MYLK4: variants seen among roughly 807,000 people sequenced by gnomAD.
MYLK4 encodes myosin light chain kinase family member 4, also known as caMLCK like.
In MYLK4, 46 loss-of-function variants were observed where a neutral mutation model predicts 48.1. That is an observed-to-expected ratio of 0.96 (90% CI 0.75 to 1.22). The LOEUF is 1.22. Among genes scored for constraint, MYLK4 ranks in the 50% most tolerant of loss-of-function variants. The pLI, the probability that MYLK4 is intolerant of heterozygous loss-of-function variation, is 0.00. For missense variants in MYLK4, 451 were observed against 486.1 expected (o/e 0.93, Z 0.68); for synonymous variants, 170 against 180.8 (o/e 0.94, Z 0.48).
At chr6:2,707,442 C>A (rs1392511069) in intron 2 of MYLK4, among the ~76,000 whole-genome samples, 3 of 152,170 alleles carry the variant, frequency 2.0e-5, no homozygotes, top group African/African-American at 4.8e-5. Context: ...CACGCACACA[C>A]AACTTACTAC....
chr6:2,741,305 T>TAG (rs562058621), intron 2 of MYLK4, among the ~76,000 whole-genome samples: 41 of 152,332 alleles, frequency 2.7e-4, no homozygotes, highest in African/African-American at 9.4e-4. Context: ...TTCTCTTACT[T>TAG]AGGTACACAG....
Position 2,749,358 on chromosome 6 carries a change from T to C in MYLK4, c.-64A>G, listed in dbSNP as rs536893142. ...GGTTTTCGTCTCCCTCTGTCTCCGA[T>C]TTATAAATCAGGACACAATTATGAC... On this transcript the variant is annotated 5_prime_UTR_variant, in exon 2 of 13. Coordinates refer to ENST00000274643, the MANE Select transcript of MYLK4 (RefSeq NM_001012418.5). 2.6e-5 allele frequency: 35 copies of C among 1,347,722 alleles called. No homozygotes were observed. In the East Asian group the frequency reaches 8.1e-4, roughly 31 times the overall value. The allele number at this position is 1,347,722 out of a possible 1,614,324, so 83.5% of individuals were successfully genotyped here.
chr6:2,767,900 A>G, the MYLK4 span, among the ~76,000 whole-genome samples: 1 of 152,228 alleles, frequency 6.6e-6, no homozygotes, highest in Non-Finnish European at 1.5e-5. Context: ...TTCTGAAAGA[A>G]GCAGCCACAG....
intron 2 of MYLK4, among the ~76,000 whole-genome samples, chr6:2,730,838 A>C (rs1763452377): frequency 6.6e-6 from 1 of 152,170 alleles, no homozygotes; most frequent in African/African-American, 2.4e-5. Flanking sequence ...TAAGGTTGAA[A>C]GCGGGAGGTG....
At chr6:2,766,623 G>A in the MYLK4 span, among the ~76,000 whole-genome samples, 66 of 152,334 alleles carry the variant, frequency 4.3e-4, no homozygotes, top group African/African-American at 1.3e-3. Context: ...TGTGATGGGT[G>A]TGAAAAGGGC....
intron 2 of MYLK4, among the ~76,000 whole-genome samples, chr6:2,705,755 G>A (rs978555151): frequency 1.1e-4 from 16 of 152,042 alleles, no homozygotes; most frequent in Admixed American, 4.6e-4. Flanking sequence ...AAGAAATTAC[G>A]GGAATGGAAG....
In MYLK4 at chr6:2,675,088, AG is replaced by A; in HGVS notation, c.1077del (p.Trp360GlyfsTer27). On this transcript the variant is annotated frameshift_variant, in exon 11 of 13. Transcript: ENST00000274643. LOFTEE classifies it high-confidence loss of function. Reference sequence around the variant, plus strand: ...GAGTGGAGCTTGTGGTCTGACAACCAGGGGTGCTTGAGAGCTTCGCTTGCAC... The same window carrying A: ...GAGTGGAGCTTGTGGTCTGACAACCAGGGTGCTTGAGAGCTTCGCTTGCAC... ...RISASEALKH[P>X]WLSDHKLHSR... 1 of 1,614,148 alleles carries A rather than the reference AG, an allele frequency of 6.2e-7. No homozygotes were observed. The highest frequency in any genetic ancestry group is 8.5e-7 in the Non-Finnish European group (1 of 1,180,004).
rs1337759753 is a variant in MYLK4, at chr6:2,747,447, G to A, written c.159+1689C>T. On this transcript the variant is annotated intron_variant, in intron 2 of 12. Transcript: ENST00000274643. ...TGCATCCTTGAACTCCCGGGCTCAAGCAATCCTCCTGCCTCAGCCTCCCAA... is the reference window on the plus strand; with the variant it reads ...TGCATCCTTGAACTCCCGGGCTCAAACAATCCTCCTGCCTCAGCCTCCCAA... Among the ~76,000 whole-genome samples the A allele has an allele frequency of 2.6e-5, 4 of 152,106 alleles. No homozygotes were observed. In the East Asian group the frequency reaches 5.8e-4, roughly 22 times the overall value.
chr6:2,754,597 A>C (rs1764379922), upstream of MYLK4, among the ~76,000 whole-genome samples: 1 of 152,212 alleles, frequency 6.6e-6, no homozygotes, highest in Non-Finnish European at 1.5e-5. Flanking sequence ...CAACTCATTC[A>C]GTTTCTTAAA....
chr6:2,715,732 T>C (rs138713935), intron 2 of MYLK4, among the ~76,000 whole-genome samples: 3 of 152,320 alleles, frequency 2.0e-5, no homozygotes, highest in East Asian at 3.9e-4. Flanking sequence ...CTCAGGTTCA[T>C]GAATGCAGAA....
At chr6:2,737,838 T>C (rs1582117753) in intron 2 of MYLK4, among the ~76,000 whole-genome samples, 1 of 151,698 alleles carries the variant, frequency 6.6e-6, no homozygotes. Context: ...ATTACTAGAA[T>C]GGTAGATGGT....
At chr6:2,679,915 T>C (rs1257314899) in intron 8 of MYLK4, among the ~76,000 whole-genome samples, 1 of 152,232 alleles carries the variant, frequency 6.6e-6, no homozygotes, top group Non-Finnish European at 1.5e-5. Flanking sequence ...GTAAATCTTC[T>C]CTGTACAGAT....
chr6:2,740,782 C>T lies in MYLK4; in HGVS notation c.159+8354G>A, dbSNP rs141943066. On this transcript the variant is annotated intron_variant, in intron 2 of 12. Coordinates refer to ENST00000274643, the MANE Select transcript of MYLK4 (RefSeq NM_001012418.5). Reference sequence around the variant, plus strand: ...CATTTTCTATACTAAACGCTGCCTACGATCAGTCTTCTCCATGTCTGCTCT... The same window carrying T: ...CATTTTCTATACTAAACGCTGCCTATGATCAGTCTTCTCCATGTCTGCTCT... 1.6e-3 allele frequency among the ~76,000 whole-genome samples: 245 copies of T among 152,344 alleles called. 1 individual carries two copies. Among genetic ancestry groups the T allele is most frequent in the Non-Finnish European group, 2.8e-3 (188 of 68,044 alleles).
intron 2 of MYLK4, among the ~76,000 whole-genome samples, chr6:2,707,712 C>T (rs1365479115): frequency 4.6e-5 from 7 of 152,080 alleles, no homozygotes; most frequent in Non-Finnish European, 1.0e-4. Context: ...ATGTCAAAGT[C>T]AAATGTGTTT....
chr6:2,677,481 G>A lies in MYLK4; in HGVS notation c.1040+739C>T, dbSNP rs933775346. On this transcript the variant is annotated intron_variant, in intron 10 of 12. Coordinates refer to ENST00000274643, the MANE Select transcript of MYLK4 (RefSeq NM_001012418.5). ...CTACTTCAATCATTATACGGCTCAGGTATAAAGCCATCTGAAACAGCGTGT... is the reference window on the plus strand; with the variant it reads ...CTACTTCAATCATTATACGGCTCAGATATAAAGCCATCTGAAACAGCGTGT... Among the ~76,000 whole-genome samples the A allele has an allele frequency of 3.3e-5, 5 of 152,280 alleles. No individual in the cohort carries two copies. In the East Asian group the frequency reaches 9.6e-4, roughly 29 times the overall value.
At chr6:2,679,822 C>G (rs1248617159) in intron 8 of MYLK4, among the ~76,000 whole-genome samples, 1 of 152,186 alleles carries the variant, frequency 6.6e-6, no homozygotes, top group African/African-American at 2.4e-5. Context: ...GTTAATGTGT[C>G]CACGTAAACT....
Position 2,727,551 on chromosome 6 carries a change from C to A in MYLK4, c.159+21585G>T, listed in dbSNP as rs190560220. Among the ~76,000 whole-genome samples the A allele has an allele frequency of 5.2e-3, 792 of 152,248 alleles. 2 individuals carry two copies. Among genetic ancestry groups the A allele is most frequent in the Non-Finnish European group, 7.3e-3 (498 of 68,024 alleles). On this transcript the variant is annotated intron_variant, in intron 2 of 12. Coordinates refer to ENST00000274643, the MANE Select transcript of MYLK4 (RefSeq NM_001012418.5). ...TTCAAAATTGTAGAGTGCCTACAAA[C>A]CGCTCGAGGTTGCATCTGGACAGAA...
chr6:2,680,152 G>A lies in MYLK4; in HGVS notation c.758+69C>T, dbSNP rs189979697. 4.5e-6 allele frequency: 7 copies of A among 1,540,858 alleles called. No individual in the cohort carries two copies. In the East Asian group the frequency reaches 1.4e-4, roughly 30 times the overall value. The stretch of plus-strand genomic sequence containing the variant: ...AAACCAAAGAGCAGATCAGATATAT[G>A]TTTGCAAAGGAAGGGCAACCATCAT... On this transcript the variant is annotated intron_variant, in intron 8 of 12. Coordinates refer to ENST00000274643, the MANE Select transcript of MYLK4 (RefSeq NM_001012418.5).
chr6:2,764,447 C>A, the MYLK4 span, among the ~76,000 whole-genome samples: 1 of 152,142 alleles, frequency 6.6e-6, no homozygotes, highest in African/African-American at 2.4e-5. Flanking sequence ...AATAAAAATT[C>A]AAGTTTTGGC....
Sources: allele counts gnomAD v4.1 joint callset (sites outside exome capture counted in the v4.1 genomes callset), GRCh38; gene constraint gnomAD v4.1.1; transcripts MANE v1.5; gene names NCBI Gene and HGNC (gene_info 2026-07-23, HGNC 2026-07-21).